Variants in CSK observed in about 807,000 individuals in gnomAD.
CSK encodes tyrosine-protein kinase CSK.
Under a neutral mutation model 62.3 loss-of-function variants are expected in CSK, and 7 were observed. That is an observed-to-expected ratio of 0.11 (90% CI 0.06 to 0.21). The LOEUF is 0.21. Ranked by LOEUF, CSK falls within the 10% of genes least tolerant of loss-of-function variation. CSK has a pLI of 1.00. For synonymous variants in CSK, 237 were observed against 246.0 expected, an observed-to-expected ratio of 0.96 and a Z score of 0.34; for missense variants, 294 against 613.5, an observed-to-expected ratio of 0.48 and a Z score of 5.50.
intron 1 of CSK, among the ~76,000 whole-genome samples, chr15:74,789,016 G>T (rs767599767): frequency 2.6e-5 from 4 of 152,302 alleles, no homozygotes; most frequent in Middle Eastern, 3.4e-3. Context: ...GCCTCAAGCC[G>T]CAGCGGTGCC....
chr15:74,793,404 T>C, intron 1 of CSK, among the ~76,000 whole-genome samples: 1 of 151,306 alleles, frequency 6.6e-6, no homozygotes, highest in African/African-American at 2.4e-5. Flanking sequence ...CCCTCCTCCC[T>C]CCTCTCCCTT....
chr15:74,783,698 CG>C (rs1408978431), intron 1 of CSK, among the ~76,000 whole-genome samples: 1 of 152,216 alleles, frequency 6.6e-6, no homozygotes, highest in Non-Finnish European at 1.5e-5. Flanking sequence ...AAAGGGCTTC[CG>C]GCTCCAGCTG....
chr15:74,786,784 C>G (rs964207209), intron 1 of CSK, among the ~76,000 whole-genome samples: 5 of 152,096 alleles, frequency 3.3e-5, no homozygotes, highest in Admixed American at 3.3e-4. Context: ...AGACTGTAGC[C>G]CCAGATGACC....
chr15:74,795,694 T>A (rs1008090175), intron 1 of CSK, among the ~76,000 whole-genome samples: 3 of 152,122 alleles, frequency 2.0e-5, no homozygotes, highest in Admixed American at 6.6e-5. Flanking sequence ...GTCAACTTTA[T>A]TGAAGTAAAT....
chr15:74,799,600 G>T, intron 5 of CSK, 109 bp downstream of exon 5: 1 of 1,152,328 alleles, frequency 8.7e-7, no homozygotes, highest in Non-Finnish European at 1.2e-6. Context: ...GACCAGCCAT[G>T]TGGGGCAACT....
chr15:74,790,538 G>A (rs902384091), intron 1 of CSK, among the ~76,000 whole-genome samples: 1 of 152,220 alleles, frequency 6.6e-6, no homozygotes, highest in Non-Finnish European at 1.5e-5. Flanking sequence ...AAGGGCTGCT[G>A]GGAGCCGGGT....
At chr15:74,790,170 C>T (rs2063596398) in intron 1 of CSK, among the ~76,000 whole-genome samples, 1 of 152,250 alleles carries the variant, frequency 6.6e-6, no homozygotes, top group Non-Finnish European at 1.5e-5. Context: ...ACCAGAATCT[C>T]CGGGGGCCAG....
chr15:74,798,203 C>T lies in CSK; in HGVS notation c.-65-30C>T, dbSNP rs2141819575. The T allele has an allele frequency of 7.2e-7, 1 of 1,392,740 alleles. No individual in the cohort carries two copies. The highest frequency in any genetic ancestry group is 9.7e-7 in the Non-Finnish European group (1 of 1,031,022). 86.3% of individuals were successfully genotyped at this position (1,392,740 alleles called of 1,614,324 possible). On this transcript the variant is annotated intron_variant, in intron 1 of 12. Coordinates refer to ENST00000220003, the MANE Select transcript of CSK (RefSeq NM_004383.3). This position sits in a 1 kb window ranked among gnomAD's most constrained non-coding sequence, Gnocchi z 6.6. ...CAGTTGGGGGGCATTTCTTCACACCCCTCCTCAGTCTTCATGCTCTTCCCC... is the reference window on the plus strand; with the variant it reads ...CAGTTGGGGGGCATTTCTTCACACCTCTCCTCAGTCTTCATGCTCTTCCCC...
intron 11 of CSK, 31 bp downstream of exon 11, chr15:74,801,921 G>C: frequency 6.2e-7 from 1 of 1,609,370 alleles, no homozygotes; most frequent in South Asian, 1.1e-5. Flanking sequence ...GGCCTACAGA[G>C]GTGGGCAGGA....
chr15:74,801,839 CA>C lies in CSK; in HGVS notation c.1033del (p.Thr345ArgfsTer14). The C allele has an allele frequency of 6.2e-7, 1 of 1,613,524 alleles. No individual in the cohort carries two copies. The highest frequency in any genetic ancestry group is 8.5e-7 in the Non-Finnish European group (1 of 1,179,844). On this transcript the variant is annotated frameshift_variant, in exon 11 of 13. Transcript: ENST00000220003. LOFTEE classifies it high-confidence loss of function. ...CCAAGGAGGCGTCCAGCACCCAGGA[CA>C]CGGGCAAGCTGCCAGTCAAGTGGAC... The part of the protein sequence containing the change: ...LTKEASSTQD[T>X]GKLPVKWTAP...
In CSK at chr15:74,798,307, A is replaced by G. The variant is rs1409275533; in HGVS notation, c.10A>G (p.Ile4Val). 1.3e-6 allele frequency: 2 copies of G among 1,580,300 alleles called. No individual in the cohort carries two copies. Among genetic ancestry groups the G allele is most frequent in the Admixed American group, 1.8e-5 (1 of 56,322 alleles). MSAIQAAWPSGTEC... is the reference protein window; with the variant it reads MSAVQAAWPSGTEC... ...CAGAGCTCCTGAGAAGATGTCAGCA[A>G]TACAGGTACCACAGGGGTGAGGGTC... The change falls in exon 2 of 13, where the codon ATA becomes GTA. Residue 4 changes from isoleucine (I) to valine (V), a missense_variant. By Grantham distance (29) the Ile-to-Val change is conservative. Coordinates refer to ENST00000220003, the MANE Select transcript of CSK (RefSeq NM_004383.3). The surrounding 1 kb of genome is among the most constrained non-coding windows in gnomAD (Gnocchi z 6.6).
At chr15:74,787,783 G>A (rs1004370494) in intron 1 of CSK, among the ~76,000 whole-genome samples, 1 of 152,174 alleles carries the variant, frequency 6.6e-6, no homozygotes. Context: ...TCGTGGGCAG[G>A]CGAAAACCTG....
chr15:74,801,624 G>C, intron 10 of CSK, 29 bp downstream of exon 10: 1 of 1,612,118 alleles, frequency 6.2e-7, no homozygotes, highest in South Asian at 1.1e-5. Context: ...TGGATGGGTA[G>C]GGTTTGAGGG....
chr15:74,793,600 C>A (rs1296793922), intron 1 of CSK, among the ~76,000 whole-genome samples: 1 of 152,198 alleles, frequency 6.6e-6, no homozygotes. Flanking sequence ...GGGTTCTCAT[C>A]TGCAAAATGG....
chr15:74,790,054 A>G (rs2063594134), intron 1 of CSK, among the ~76,000 whole-genome samples: 1 of 152,166 alleles, frequency 6.6e-6, no homozygotes, highest in South Asian at 2.1e-4. Flanking sequence ...GGCTTCTAAA[A>G]CACTGGCTCA....
intron 4 of CSK, 94 bp downstream of exon 4, chr15:74,799,032 G>C (rs1007772765): frequency 8.3e-7 from 1 of 1,204,410 alleles, no homozygotes; most frequent in Non-Finnish European, 1.1e-6. Flanking sequence ...TGAGGGGCTT[G>C]GGTGTTGGGG....
intron 1 of CSK, among the ~76,000 whole-genome samples, chr15:74,795,544 A>G (rs1433335541): frequency 6.6e-6 from 1 of 152,266 alleles, no homozygotes; most frequent in East Asian, 1.9e-4. Flanking sequence ...ACCCGTAGAA[A>G]GGAAACAGTA....
chr15:74,802,251 G>T, intron 12 of CSK, 80 bp from the exon 13 acceptor site: 1 of 1,464,236 alleles, frequency 6.8e-7, no homozygotes, highest in Non-Finnish European at 9.2e-7. Flanking sequence ...AAAGCTGATG[G>T]GCATCCCTGA....
chr15:74,798,762 G>A lies in CSK; in HGVS notation c.129+34G>A, dbSNP rs781022098. 2 of 1,609,430 alleles carry A rather than the reference G, an allele frequency of 1.2e-6. No homozygotes were observed. Among genetic ancestry groups the A allele is most frequent in the Non-Finnish European group, 1.7e-6 (2 of 1,176,728 alleles). The stretch of plus-strand genomic sequence containing the variant: ...GTGACGCCCACCCCACCATCCCACT[G>A]CTGGGCCTTCCCTCTGCAGGGGGAG... On this transcript the variant is annotated intron_variant, in intron 3 of 12. Transcript: ENST00000220003. The surrounding 1 kb of genome is among the most constrained non-coding windows in gnomAD (Gnocchi z 6.6).
Sources: gnomAD v4.1 joint callset for allele counts (sites outside exome capture counted in the v4.1 genomes callset) on GRCh38, gnomAD v4.1.1 for gene constraint, Gnocchi (gnomAD v3.1) non-coding constraint, MANE v1.5 for transcripts, NCBI Gene and HGNC (gene_info 2026-07-23, HGNC 2026-07-21) for gene names.